RAI14: variants seen among roughly 807,000 people sequenced by gnomAD.
RAI14 encodes the protein retinoic acid induced 14.
RAI14 carries 45 observed loss-of-function variants against 115.4 expected under a neutral mutation model. That is an observed-to-expected ratio of 0.39 (90% CI 0.31 to 0.50). RAI14 has a LOEUF of 0.50. Among genes scored for constraint, RAI14 ranks in the 20% least tolerant of loss-of-function variants. The pLI, the probability that RAI14 is intolerant of heterozygous loss-of-function variation, is 0.85. For synonymous variants in RAI14, 371 were observed against 415.4 expected (o/e 0.89, Z 1.30); for missense variants, 939 against 1,131.2 (o/e 0.83, Z 2.44).
chr5:34,734,893 T>A (rs1191315429), intron 2 of RAI14, among the ~76,000 whole-genome samples: 1 of 152,098 alleles, frequency 6.6e-6, no homozygotes, highest in African/African-American at 2.4e-5. Flanking sequence ...ACTCCTGACC[T>A]TATGATCCGC....
chr5:34,762,232 C>T (rs1222491968), intron 3 of RAI14, among the ~76,000 whole-genome samples: 1 of 152,136 alleles, frequency 6.6e-6, no homozygotes, highest in Non-Finnish European at 1.5e-5. Flanking sequence ...GGAAAGAATT[C>T]TTCTGGTGAA....
chr5:34,753,786 T>C lies in RAI14; in HGVS notation c.37-3682T>C, dbSNP rs963143938. ...AAAATTAGCTGGGCGTGGTGGCATG[T>C]GCCTGTAGTCCCAGCTACTCGGGAG... is the stretch of plus-strand genomic sequence containing the variant. On this transcript the variant is annotated intron_variant, in intron 2 of 17. Transcript: ENST00000265109. Among the ~76,000 whole-genome samples the C allele has an allele frequency of 4.6e-5, 7 of 152,196 alleles. No individual in the cohort carries two copies. In the South Asian group the frequency reaches 6.2e-4, roughly 14 times the overall value.
intron 1 of RAI14, among the ~76,000 whole-genome samples, chr5:34,668,691 GA>G (rs11349912): frequency 0.017 from 2,615 of 150,274 alleles, 40 homozygotes; most frequent in Middle Eastern, 0.031. Context: ...TTTAAATTGG[GA>G]AAAAAAAACT....
At chr5:34,798,350 T>TG (rs1303908865) in intron 4 of RAI14, among the ~76,000 whole-genome samples, 9 of 121,036 alleles carry the variant, frequency 7.4e-5, no homozygotes, top group African/African-American at 2.5e-4. Flanking sequence ...GAATAAGTTT[T>TG]TTTTTTTTTT....
At chr5:34,805,798 G>A (rs551920850) in intron 5 of RAI14, among the ~76,000 whole-genome samples, 3 of 152,208 alleles carry the variant, frequency 2.0e-5, no homozygotes, top group East Asian at 1.9e-4. Context: ...CCAAGATTTC[G>A]CCACTACACT....
At chr5:34,759,597 AC>A (rs1748356948) in intron 3 of RAI14, among the ~76,000 whole-genome samples, 1 of 151,718 alleles carries the variant, frequency 6.6e-6, no homozygotes, top group Non-Finnish European at 1.5e-5. Context: ...GTCTCCCATC[AC>A]CCCCAGTTGG....
chr5:34,765,168 G>A (rs59212849), intron 3 of RAI14, among the ~76,000 whole-genome samples: 7,135 of 152,220 alleles, frequency 0.047, 548 homozygotes, highest in African/African-American at 0.16. Context: ...TCTCAGATAT[G>A]TCTTTATCAG....
chr5:34,740,793 G>A (rs1185568371), intron 2 of RAI14, among the ~76,000 whole-genome samples: 2 of 152,196 alleles, frequency 1.3e-5, no homozygotes, highest in African/African-American at 4.8e-5. Context: ...CTTGGAACTA[G>A]ATTTTTCCCC....
chr5:34,773,955 A>G (rs1408881549), intron 3 of RAI14, among the ~76,000 whole-genome samples: 1 of 152,220 alleles, frequency 6.6e-6, no homozygotes, highest in Non-Finnish European at 1.5e-5. Context: ...AAGAGAAAGA[A>G]ACAGCATCCA....
intron 2 of RAI14, among the ~76,000 whole-genome samples, chr5:34,727,487 T>C (rs918849284): frequency 6.6e-6 from 1 of 152,204 alleles, no homozygotes; most frequent in African/African-American, 2.4e-5. Flanking sequence ...GTCTCCAGGA[T>C]GTGCCAGAGA....
At chr5:34,758,803 G>A (rs1372739700) in intron 3 of RAI14, among the ~76,000 whole-genome samples, 1 of 152,238 alleles carries the variant, frequency 6.6e-6, no homozygotes, top group African/African-American at 2.4e-5. Context: ...CAAAGGCAGA[G>A]TTGAGTAGTT....
At chr5:34,687,590 G>A (rs983765315) in intron 2 of RAI14, 24 of 1,510,056 alleles carry the variant, frequency 1.6e-5, no homozygotes, top group Admixed American at 6.6e-5. Context: ...GGTTGTACAC[G>A]ATAATATTTT....
intron 2 of RAI14, among the ~76,000 whole-genome samples, chr5:34,692,576 A>G (rs947403832): frequency 6.6e-6 from 1 of 152,082 alleles, no homozygotes; most frequent in Non-Finnish European, 1.5e-5. Context: ...CTCTGTAGAC[A>G]TAGGAACTAT....
intron 2 of RAI14, among the ~76,000 whole-genome samples, chr5:34,709,009 G>A (rs756998390): frequency 1.4e-4 from 22 of 151,822 alleles, no homozygotes; most frequent in Admixed American, 7.2e-4. Flanking sequence ...TGGGCATGGT[G>A]GTACATGCCT....
chr5:34,795,936 C>G lies in RAI14; in HGVS notation c.168-3C>G. 1 of 1,610,776 alleles carries G rather than the reference C, an allele frequency of 6.2e-7. No homozygotes were observed. Among genetic ancestry groups the G allele is most frequent in the Non-Finnish European group, 8.5e-7 (1 of 1,177,208 alleles). ...AGGAGATTGTGTTTACTTCTCTTTC[C>G]AGTTTCCATCTTGCTGCTGCAAAAG... On this transcript the variant is annotated splice_region_variant and splice_polypyrimidine_tract_variant and intron_variant, in intron 3 of 17. Transcript: ENST00000265109.
intron 2 of RAI14, among the ~76,000 whole-genome samples, chr5:34,740,410 T>G (rs1745361576): frequency 6.6e-6 from 1 of 152,188 alleles, no homozygotes; most frequent in African/African-American, 2.4e-5. Flanking sequence ...CTACTTGGCA[T>G]CTAGTTAAAT....
intron 16 of RAI14, 76 bp from the exon 17 acceptor site, chr5:34,829,656 C>A: frequency 7.8e-7 from 1 of 1,282,842 alleles, no homozygotes; most frequent in Non-Finnish European, 1.1e-6. Context: ...TTGGCTGCAG[C>A]TTTCTCATAG....
At chr5:34,698,348 T>C (rs1014533965) in intron 2 of RAI14, among the ~76,000 whole-genome samples, 24 of 151,458 alleles carry the variant, frequency 1.6e-4, no homozygotes, top group Non-Finnish European at 1.5e-5. Context: ...CAGCTGCTGA[T>C]ATTGGTTACC....
chr5:34,768,821 T>C (rs1378290893), intron 3 of RAI14, among the ~76,000 whole-genome samples: 1 of 152,148 alleles, frequency 6.6e-6, no homozygotes, highest in Non-Finnish European at 1.5e-5. Context: ...AAATGCCGTC[T>C]GTACTAAAAA....
Sources: allele counts gnomAD v4.1 joint callset (sites outside exome capture counted in the v4.1 genomes callset), GRCh38; gene constraint gnomAD v4.1.1; transcripts MANE v1.5; gene names NCBI Gene and HGNC (gene_info 2026-07-23, HGNC 2026-07-21).